The following NR2F1-AS1 variants were observed in gnomAD, a reference collection of about 807,000 sequenced individuals.
The protein encoded by NR2F1-AS1 is NR2F1 antisense RNA 1.
At chr5:93,510,771 G>A (rs1751278430) in intron 4 of NR2F1-AS1, among the ~76,000 whole-genome samples, 1 of 152,154 alleles carries the variant, frequency 6.6e-6, no homozygotes, top group Non-Finnish European at 1.5e-5. Flanking sequence ...GCCAAAGAAT[G>A]CGGAAGAATT....
chr5:93,482,817 G>T (rs1750630388), intron 4 of NR2F1-AS1, among the ~76,000 whole-genome samples: 1 of 152,192 alleles, frequency 6.6e-6, no homozygotes, highest in African/African-American at 2.4e-5. Flanking sequence ...TCCCCTCACA[G>T]TGTAAACAAA....
intron 4 of NR2F1-AS1, among the ~76,000 whole-genome samples, chr5:93,428,217 A>G: frequency 6.6e-6 from 1 of 152,240 alleles, no homozygotes; most frequent in East Asian, 1.9e-4. Flanking sequence ...ACCTGCTCTT[A>G]CAATTGTATT....
At chr5:93,577,374 TG>T (rs1158599812) in intron 1 of NR2F1-AS1, among the ~76,000 whole-genome samples, 1 of 152,248 alleles carries the variant, frequency 6.6e-6, no homozygotes, top group Non-Finnish European at 1.5e-5. Context: ...GTTGGGTTCA[TG>T]GTTTGACTAT....
At chr5:93,438,670 A>C (rs1749495320) in intron 4 of NR2F1-AS1, 1 of 152,254 alleles carries the variant, frequency 6.6e-6, no homozygotes, top group Non-Finnish European at 1.5e-5. Context: ...CAAGCTTCTT[A>C]GGATGACAAA....
upstream of NR2F1-AS1, chr5:93,585,099 G>A: frequency 1.0e-6 from 1 of 1,001,374 alleles, no homozygotes; most frequent in Non-Finnish European, 1.2e-6. Flanking sequence ...CCCCAACCCC[G>A]CAGCGCAGGC....
intron 4 of NR2F1-AS1, among the ~76,000 whole-genome samples, chr5:93,462,001 T>C (rs1180548677): frequency 6.6e-6 from 1 of 152,126 alleles, no homozygotes; most frequent in Non-Finnish European, 1.5e-5. Flanking sequence ...ACCACCAAAA[T>C]CCACTGGTTT....
chr5:93,566,774 G>A (rs562607742), intron 1 of NR2F1-AS1, among the ~76,000 whole-genome samples: 2 of 151,958 alleles, frequency 1.3e-5, no homozygotes, highest in African/African-American at 2.4e-5. Flanking sequence ...CCATAGGGAT[G>A]GCTAAAGATT....
intron 4 of NR2F1-AS1, among the ~76,000 whole-genome samples, chr5:93,522,290 A>G (rs1224492496): frequency 6.6e-6 from 1 of 152,156 alleles, no homozygotes; most frequent in African/African-American, 2.4e-5. Flanking sequence ...AATAATCTGT[A>G]CAACAAACCC....
At chr5:93,539,234 C>T (rs1029377269) in intron 4 of NR2F1-AS1, among the ~76,000 whole-genome samples, 31 of 152,020 alleles carry the variant, frequency 2.0e-4, no homozygotes, top group African/African-American at 4.6e-4. Context: ...GCTGAGATTG[C>T]GCCTCTGCAC....
In NR2F1-AS1 at chr5:93,534,469, T is replaced by C. The variant is rs1026580317; in HGVS notation, n.638+19292A>G. On this transcript the variant is annotated intron_variant and non_coding_transcript_variant, in intron 4 of 5. Transcript: ENST00000660523. ...ATGAAGAACTCCAATAAGAATTAGATAAGAAATAACAAAATAAAGGCATCC... is the reference window on the plus strand; with the variant it reads ...ATGAAGAACTCCAATAAGAATTAGACAAGAAATAACAAAATAAAGGCATCC... Among the ~76,000 whole-genome samples the C allele has an allele frequency of 3.9e-5, 6 of 152,248 alleles. No homozygotes were observed. The East Asian group carries it at 1.2e-3, about 29-fold the overall frequency.
At chr5:93,435,258 T>C (rs1749410040) in intron 4 of NR2F1-AS1, among the ~76,000 whole-genome samples, 1 of 152,208 alleles carries the variant, frequency 6.6e-6, no homozygotes, top group African/African-American at 2.4e-5. Context: ...TTTTTTATTT[T>C]TATTTAATGG....
upstream of NR2F1-AS1, among the ~76,000 whole-genome samples, chr5:93,581,752 CTCCCTCTCCT>C (rs1561519443): frequency 1.7e-4 from 9 of 52,792 alleles, no homozygotes; most frequent in African/African-American, 7.5e-4. Context: ...CCCTCTCCCT[CTCCCTCTCCT>C]CTCTCCCTCT....
intron 4 of NR2F1-AS1, among the ~76,000 whole-genome samples, chr5:93,474,546 C>T (rs1470252449): frequency 2.0e-5 from 3 of 152,124 alleles, no homozygotes; most frequent in South Asian, 2.1e-4. Context: ...AGTCTAAGAT[C>T]GAGGAACTAA....
At chr5:93,529,656 G>T (rs1751693409) in intron 4 of NR2F1-AS1, among the ~76,000 whole-genome samples, 1 of 151,902 alleles carries the variant, frequency 6.6e-6, no homozygotes, top group African/African-American at 2.4e-5. Flanking sequence ...AGGTTTCCTT[G>T]TTCTCAATTC....
chr5:93,504,680 A>G (rs1483406082), intron 4 of NR2F1-AS1, among the ~76,000 whole-genome samples: 1 of 152,174 alleles, frequency 6.6e-6, no homozygotes, highest in Non-Finnish European at 1.5e-5. Context: ...ATGAGGAAGA[A>G]GCAAAAGTGG....
At chr5:93,447,355 A>G (rs186013927) in intron 4 of NR2F1-AS1, among the ~76,000 whole-genome samples, 35 of 152,170 alleles carry the variant, frequency 2.3e-4, no homozygotes, top group Admixed American at 9.2e-4. Flanking sequence ...ACAAATTTAC[A>G]AGAAAAAAAT....
At chr5:93,526,032 C>T (rs1024616699) in intron 4 of NR2F1-AS1, among the ~76,000 whole-genome samples, 2 of 151,782 alleles carry the variant, frequency 1.3e-5, no homozygotes, top group East Asian at 3.9e-4. Context: ...GAGATAGACA[C>T]AAAAAAACCC....
At chr5:93,577,117 C>T (rs1752914263) in intron 1 of NR2F1-AS1, among the ~76,000 whole-genome samples, 1 of 152,242 alleles carries the variant, frequency 6.6e-6, no homozygotes, top group South Asian at 2.1e-4. Context: ...CGATTTGCAT[C>T]CAAAGGTCAG....
At chr5:93,581,733 TCCC>T (rs1230036471), upstream of NR2F1-AS1, among the ~76,000 whole-genome samples, 1 of 33,302 alleles carries the variant, frequency 3.0e-5, no homozygotes, top group Non-Finnish European at 5.0e-5. Flanking sequence ...TCTCTCTCTC[TCCC>T]CCTCTCCCTC....
Sources: allele counts gnomAD v4.1 joint callset (sites outside exome capture counted in the v4.1 genomes callset), GRCh38; gene constraint gnomAD v4.1.1; transcripts MANE v1.5; gene names NCBI Gene and HGNC (gene_info 2026-07-23, HGNC 2026-07-21).